The following DPYD variants were observed in gnomAD, a reference collection of about 807,000 sequenced individuals.
DPYD encodes the protein dihydropyrimidine dehydrogenase.
DPYD carries 109 observed loss-of-function variants against 116.2 expected under a neutral mutation model. That is an observed-to-expected ratio of 0.94 (90% CI 0.80 to 1.10). DPYD has a LOEUF of 1.10. Among genes scored for constraint, DPYD ranks in the 50% least tolerant of loss-of-function variants. DPYD has a pLI of 0.00. For synonymous variants in DPYD, 440 were observed against 432.0 expected, an observed-to-expected ratio of 1.02 and a Z score of -0.23; for missense variants, 1,302 against 1,254.5, an observed-to-expected ratio of 1.04 and a Z score of -0.57.
chr1:97,415,924 C>A (rs1326759556), intron 14 of DPYD, among the ~76,000 whole-genome samples: 1 of 152,034 alleles, frequency 6.6e-6, no homozygotes, highest in Non-Finnish European at 1.5e-5. Context: ...ATGGTGGGGT[C>A]TCTTTCTTAT....
chr1:97,470,927 T>C lies in DPYD; in HGVS notation c.1741-20704A>G, dbSNP rs552485615. On this transcript the variant is annotated intron_variant, in intron 13 of 22. Transcript: ENST00000370192. ...ATAGCTTGAACCCAGGAGGCGGAGA[T>C]TGTAGTGAGCTGAGATCGCATCACT... Among the ~76,000 whole-genome samples the C allele has an allele frequency of 7.9e-5, 12 of 151,952 alleles. No individual in the cohort carries two copies. The East Asian group carries it at 1.4e-3, about 17-fold the overall frequency.
chr1:97,608,515 C>T (rs536353622), intron 8 of DPYD, among the ~76,000 whole-genome samples: 3 of 151,602 alleles, frequency 2.0e-5, no homozygotes, highest in Admixed American at 6.6e-5. Flanking sequence ...GGTAACGTAG[C>T]GACACCTAGG....
intron 2 of DPYD, among the ~76,000 whole-genome samples, chr1:97,843,879 A>G (rs2101542297): frequency 6.6e-6 from 1 of 152,340 alleles, no homozygotes; most frequent in Non-Finnish European, 1.5e-5. Context: ...TATACTTAAA[A>G]TATCTTTTTA....
intron 13 of DPYD, among the ~76,000 whole-genome samples, chr1:97,515,408 G>C (rs1648141751): frequency 6.6e-6 from 1 of 151,742 alleles, no homozygotes; most frequent in Admixed American, 6.6e-5. Flanking sequence ...CCCTATCTTT[G>C]AGCTGAGGCA....
chr1:97,290,598 T>C (rs1666075400), intron 18 of DPYD, among the ~76,000 whole-genome samples: 1 of 152,184 alleles, frequency 6.6e-6, no homozygotes, highest in African/African-American at 2.4e-5. Flanking sequence ...GGATTCCCTA[T>C]TTAATAAATG....
At chr1:97,323,000 C>T (rs1290329935) in intron 16 of DPYD, 1 of 151,600 alleles carries the variant, frequency 6.6e-6, no homozygotes, top group Non-Finnish European at 1.5e-5. Context: ...TCTACTTCTA[C>T]TCACTTTCTC....
At chr1:97,273,688 CT>C (rs1664744384) in intron 18 of DPYD, among the ~76,000 whole-genome samples, 1 of 152,052 alleles carries the variant, frequency 6.6e-6, no homozygotes, top group South Asian at 2.1e-4. Context: ...ATGTTTATTG[CT>C]TTTTTGTAAG....
Position 97,113,188 on chromosome 1 carries a change from T to C in DPYD, c.2623-14556A>G, listed in dbSNP as rs150741572. Among the ~76,000 whole-genome samples the C allele has an allele frequency of 1.8e-4, 28 of 152,242 alleles. No individual in the cohort carries two copies. The East Asian group carries it at 5.0e-3, about 27-fold the overall frequency. On this transcript the variant is annotated intron_variant, in intron 20 of 22. Transcript: ENST00000370192. The stretch of plus-strand genomic sequence containing the variant: ...ATGCATATCCATAATACATATATGG[T>C]ATCTATATTCTACCCCAATATTTTG...
At chr1:97,385,497 T>A (rs1362722036) in intron 14 of DPYD, among the ~76,000 whole-genome samples, 1 of 148,972 alleles carries the variant, frequency 6.7e-6, no homozygotes, top group South Asian at 2.1e-4. Flanking sequence ...ATAAGCAATA[T>A]GCATAGATTT....
At chr1:97,324,051 T>C (rs558015482) in intron 16 of DPYD, among the ~76,000 whole-genome samples, 106 of 152,104 alleles carry the variant, frequency 7.0e-4, no homozygotes, top group Non-Finnish European at 1.2e-3. Flanking sequence ...TTGTGCAGCA[T>C]CTCCTGACAG....
intron 16 of DPYD, among the ~76,000 whole-genome samples, chr1:97,314,743 T>C (rs1005273425): frequency 3.4e-4 from 52 of 151,914 alleles, no homozygotes; most frequent in African/African-American, 1.1e-3. Flanking sequence ...TCAGATTTCA[T>C]AGAATTATCT....
intron 18 of DPYD, among the ~76,000 whole-genome samples, chr1:97,268,615 G>C (rs563197062): frequency 1.3e-5 from 2 of 152,160 alleles, no homozygotes; most frequent in African/African-American, 4.8e-5. Context: ...GATGGATCAA[G>C]GTGCCCCTAG....
At chr1:97,247,814 G>C (rs937236868) in intron 18 of DPYD, among the ~76,000 whole-genome samples, 2 of 152,046 alleles carry the variant, frequency 1.3e-5, no homozygotes, top group African/African-American at 4.8e-5. Context: ...ACAAAAAACA[G>C]AAAGTCAAAA....
In DPYD at chr1:97,787,460, G is replaced by A. The variant is rs191621845; in HGVS notation, c.233+40654C>T. On this transcript the variant is annotated intron_variant, in intron 3 of 22. Coordinates refer to ENST00000370192, the MANE Select transcript of DPYD (RefSeq NM_000110.4). ...CAGTCATCCATGGCAAAGTTCCCCT[G>A]CTAGTCTGTAATACGTGAAGAAGAA... Among the ~76,000 whole-genome samples, 297 of 152,282 alleles carry A rather than the reference G, an allele frequency of 2.0e-3. 1 individual carries two copies. The highest frequency in any genetic ancestry group is 6.7e-3 in the African/African-American group (280 of 41,570).
chr1:97,102,439 C>G (rs1650784387), intron 20 of DPYD, among the ~76,000 whole-genome samples: 1 of 51,630 alleles, frequency 1.9e-5, no homozygotes, highest in African/African-American at 6.9e-5. Flanking sequence ...GTATCTTATT[C>G]AGTATAAACC....
At chr1:97,856,322 A>T (rs879618164) in intron 2 of DPYD, 1 of 152,194 alleles carries the variant, frequency 6.6e-6, no homozygotes, top group African/African-American at 2.4e-5. Context: ...CCATAAAGAT[A>T]GAGGAGAATC....
In DPYD at chr1:97,323,103, T is replaced by TTA. The variant is rs1166895986; in HGVS notation, c.2059-16808_2059-16807dup. 1.5e-4 allele frequency: 22 copies of TTA among 150,696 alleles called. No homozygotes were observed. The South Asian group carries it at 3.8e-3, about 26-fold the overall frequency. The allele number at this position is 150,696 out of a possible 1,614,324, so 9.3% of individuals were successfully genotyped here. ...TCCGATTCAATTTTTTTACTATTTT[T>TTA]TATATATATATGCATATATATGTGT... On this transcript the variant is annotated intron_variant, in intron 16 of 22. Coordinates refer to ENST00000370192, the MANE Select transcript of DPYD (RefSeq NM_000110.4).
At chr1:97,634,149 C>T (rs1009536084) in intron 8 of DPYD, among the ~76,000 whole-genome samples, 2 of 152,024 alleles carry the variant, frequency 1.3e-5, no homozygotes, top group African/African-American at 4.8e-5. Flanking sequence ...GAAGAAACTG[C>T]TAAACCACTA....
At chr1:97,773,563 C>T (rs1025503783) in intron 3 of DPYD, among the ~76,000 whole-genome samples, 29 of 152,092 alleles carry the variant, frequency 1.9e-4, no homozygotes, top group African/African-American at 3.1e-4. Context: ...ATAAAAACCC[C>T]GAGACACGAG....
Sources: gnomAD v4.1 joint callset for allele counts (sites outside exome capture counted in the v4.1 genomes callset) on GRCh38, gnomAD v4.1.1 for gene constraint, MANE v1.5 for transcripts, NCBI Gene and HGNC (gene_info 2026-07-23, HGNC 2026-07-21) for gene names.